The following WDR36 variants were observed in gnomAD, a reference collection of about 807,000 sequenced individuals.
WDR36 encodes WD repeat domain 36.
In WDR36, 63 loss-of-function variants were observed where a neutral mutation model predicts 112.7. The ratio of observed to expected loss-of-function variants is 0.56; its 90% CI spans 0.46 to 0.69. The LOEUF (loss-of-function observed/expected upper bound fraction) is 0.69. WDR36 is among the 30% of genes least tolerant of loss of function. WDR36 has a pLI of 0.00. For synonymous variants in WDR36, 410 were observed against 362.2 expected, an observed-to-expected ratio of 1.13 and a Z score of -1.50; for missense variants, 1,226 against 1,070.3, an observed-to-expected ratio of 1.15 and a Z score of -2.03.
intron 15 of WDR36, 33 bp from the exon 16 acceptor site, chr5:111,113,035 AATATAT>A: frequency 2.8e-6 from 1 of 352,310 alleles, no homozygotes; most frequent in East Asian, 8.8e-5. Context: ...ATATATAAAT[AATATAT>A]ATATATATAT....
rs201601112 is a variant in WDR36, at chr5:111,106,157, A to G, written c.1180+14A>G. ...AGTTTGCAGCAGGTAAGTAACTTCAAACTGTGTTTTGAGAAGTTCTCCTTT... is the reference window on the plus strand; with the variant it reads ...AGTTTGCAGCAGGTAAGTAACTTCAGACTGTGTTTTGAGAAGTTCTCCTTT... On this transcript the variant is annotated intron_variant, in intron 11 of 22. Coordinates refer to ENST00000513710, the MANE Select transcript of WDR36 (RefSeq NM_139281.3). The G allele has an allele frequency of 6.9e-6, 11 of 1,603,890 alleles. 1 individual carries two copies. The South Asian group carries it at 1.2e-4, about 18-fold the overall frequency.
intron 3 of WDR36, 146 bp downstream of exon 3, chr5:111,097,325 G>A (rs1001177440): frequency 6.1e-6 from 4 of 652,482 alleles, no homozygotes; most frequent in African/African-American, 3.7e-5. Context: ...GTTTTCTGGA[G>A]GAAGATAAAT....
Position 111,129,309 on chromosome 5 carries a change from A to T in WDR36, c.*2426A>T, listed in dbSNP as rs1004909692. The T allele has an allele frequency of 5.1e-6, 1 of 195,606 alleles. No individual in the cohort carries two copies. Among genetic ancestry groups the T allele is most frequent in the African/African-American group, 2.3e-5 (1 of 43,236 alleles). The allele number at this position is 195,606 out of a possible 1,614,324, so 12.1% of individuals were successfully genotyped here. On this transcript the variant is annotated 3_prime_UTR_variant, in exon 23 of 23. Transcript: ENST00000513710. ...GTATAACCATTTTTAATTTGAAGAG[A>T]TACTTCCATTTGGGTTCCAGAATGG...
chr5:111,102,460 A>G, intron 6 of WDR36, 61 bp downstream of exon 6: 2 of 1,496,222 alleles, frequency 1.3e-6, no homozygotes, highest in South Asian at 1.1e-5. Context: ...CTTCAGTTTC[A>G]GGAATCAATC....
chr5:111,126,640 G>C lies in WDR36; in HGVS notation c.2539-94G>C, dbSNP rs1360649500. The C allele has an allele frequency of 2.2e-6, 3 of 1,347,588 alleles. No individual in the cohort carries two copies. The East Asian group carries it at 7.0e-5, about 31-fold the overall frequency. 83.5% of individuals were successfully genotyped at this position (1,347,588 alleles called of 1,614,324 possible). A position where few individuals can be genotyped will look rare whatever the true frequency, so the allele number is the denominator to read the frequency against. Reference sequence around the variant, plus strand: ...GCTTAAGAAAACAAATATTCACCTAGTGTCTTTTGTGGTTCCTTGGTAGAA... The same window carrying C: ...GCTTAAGAAAACAAATATTCACCTACTGTCTTTTGTGGTTCCTTGGTAGAA... On this transcript the variant is annotated intron_variant, in intron 22 of 22. Coordinates refer to ENST00000513710, the MANE Select transcript of WDR36 (RefSeq NM_139281.3).
chr5:111,098,769 A>C lies in WDR36; in HGVS notation c.339A>C (p.Gln113His), dbSNP rs186048062. 11 of 1,613,056 alleles carry C rather than the reference A, an allele frequency of 6.8e-6. No individual in the cohort carries two copies. Among genetic ancestry groups the C allele is most frequent in the Non-Finnish European group, 9.3e-6 (11 of 1,179,250 alleles). Residue 113 changes from glutamine (Q) to histidine (H), a missense_variant, in exon 4 of 23, where the codon CAA becomes CAC. Gln to His is a conservative substitution (Grantham distance 24, BLOSUM62 0). Coordinates refer to ENST00000513710, the MANE Select transcript of WDR36 (RefSeq NM_139281.3). ...KGHKAEIHFLQPFGDHIISVD... is the reference protein window; with the variant it reads ...KGHKAEIHFLHPFGDHIISVD... ...ATAAGGCAGAAATCCATTTCTTGCA[A>C]CCCTTTGGAGACCACATTATCTCTG...
At chr5:111,125,152 A>T (rs1753652300) in intron 21 of WDR36, among the ~76,000 whole-genome samples, 1 of 152,196 alleles carries the variant, frequency 6.6e-6, no homozygotes, top group Non-Finnish European at 1.5e-5. Flanking sequence ...TTAGTAATAT[A>T]GTTCCTAATG....
At chr5:111,103,613 C>T (rs1489983827) in intron 6 of WDR36, among the ~76,000 whole-genome samples, 173 bp from the exon 7 acceptor site, 1 of 151,652 alleles carries the variant, frequency 6.6e-6, no homozygotes, top group East Asian at 1.9e-4. Context: ...CTGAATACTT[C>T]TATGCTGAAT....
At chr5:111,126,336 G>A (rs1753678437) in intron 22 of WDR36, among the ~76,000 whole-genome samples, 1 of 151,912 alleles carries the variant, frequency 6.6e-6, no homozygotes, top group African/African-American at 2.4e-5. Flanking sequence ...GATTAATATA[G>A]TGGTGAACTC....
chr5:111,123,144 C>T (rs1261212967), intron 19 of WDR36, among the ~76,000 whole-genome samples: 1 of 152,032 alleles, frequency 6.6e-6, no homozygotes, highest in African/African-American at 2.4e-5. Context: ...TGATATGTAG[C>T]AGTGTACTTA....
At chr5:111,112,530 T>G (rs1753363400) in intron 15 of WDR36, among the ~76,000 whole-genome samples, 1 of 152,022 alleles carries the variant, frequency 6.6e-6, no homozygotes, top group Non-Finnish European at 1.5e-5. Context: ...TCACCTGTGA[T>G]CTGGTTTGTG....
chr5:111,119,145 T>G, intron 17 of WDR36, 25 bp downstream of exon 17: 1 of 1,561,656 alleles, frequency 6.4e-7, no homozygotes, highest in Non-Finnish European at 8.8e-7. Context: ...ACAGTTCTGT[T>G]TTGGGATGAA....
intron 1 of WDR36, 57 bp from the exon 2 acceptor site, chr5:111,094,863 A>C (rs1752943553): frequency 3.6e-6 from 5 of 1,372,570 alleles, no homozygotes; most frequent in African/African-American, 1.4e-5. Context: ...TTCAGGTGTT[A>C]GGTTATTATG....
At chr5:111,094,787 T>C in intron 1 of WDR36, 133 bp from the exon 2 acceptor site, 4 of 709,488 alleles carry the variant, frequency 5.6e-6, no homozygotes, top group Non-Finnish European at 7.1e-6. Context: ...AGAAAATTAG[T>C]GTCAGTAAGT....
chr5:111,100,212 A>G (rs1292088126), intron 4 of WDR36, among the ~76,000 whole-genome samples: 3 of 152,050 alleles, frequency 2.0e-5, no homozygotes, highest in Admixed American at 6.6e-5. Context: ...AGAGCTAAGT[A>G]TAAGCACTTC....
intron 22 of WDR36, among the ~76,000 whole-genome samples, chr5:111,126,177 A>G (rs1753675545): frequency 6.6e-6 from 1 of 151,562 alleles, no homozygotes; most frequent in African/African-American, 2.4e-5. Context: ...TTCTTTTTTT[A>G]GTGGTTAGTT....
chr5:111,100,421 ATTTAT>A, intron 4 of WDR36, among the ~76,000 whole-genome samples, 163 bp from the exon 5 acceptor site: 1 of 152,022 alleles, frequency 6.6e-6, no homozygotes, highest in South Asian at 2.1e-4. Context: ...GTTGCCTCTC[ATTTAT>A]TTTATTTCTC....
At position 111,127,723 on chromosome 5, in the gene WDR36, G is replaced by C. The variant is rs1210303485; in HGVS notation, c.*840G>C. 1 of 211,060 alleles carries C rather than the reference G, an allele frequency of 4.7e-6. No homozygotes were observed. The highest frequency in any genetic ancestry group is 5.9e-5 in the Admixed American group (1 of 17,014). The allele number at this position is 211,060 out of a possible 1,614,324, so 13.1% of individuals were successfully genotyped here. Reference sequence around the variant, plus strand: ...GATGGTTAAACTGATACCAAGGATAGGTAAGGGAAATTCCAAATTCCATTG... The same window carrying C: ...GATGGTTAAACTGATACCAAGGATACGTAAGGGAAATTCCAAATTCCATTG... On this transcript the variant is annotated 3_prime_UTR_variant, in exon 23 of 23. Transcript: ENST00000513710.
In WDR36 at chr5:111,103,897, A is replaced by T; in HGVS notation, c.709A>T (p.Thr237Ser). 6.2e-7 allele frequency: 1 copy of T among 1,611,214 alleles called. No individual in the cohort carries two copies. Among genetic ancestry groups the T allele is most frequent in the Non-Finnish European group, 8.5e-7 (1 of 1,178,202 alleles). The change falls in exon 7 of 23, where the codon ACT becomes TCT. Residue 237 changes from threonine (T) to serine (S), a missense_variant. Transcript: ENST00000513710. ...GTTTCGTCAAGACTGGGGACCCATT[A>T]CTTCAATTTCATTTCGCACAGGTAA... ...MKFRQDWGPITSISFRTDGHP... is the reference protein window; with the variant it reads ...MKFRQDWGPISSISFRTDGHP...
Sources: allele counts gnomAD v4.1 joint callset (sites outside exome capture counted in the v4.1 genomes callset), GRCh38; gene constraint gnomAD v4.1.1; transcripts MANE v1.5; gene names NCBI Gene and HGNC (gene_info 2026-07-23, HGNC 2026-07-21).